The following FNDC1 variants were observed in gnomAD, a reference collection of about 807,000 sequenced individuals.
FNDC1 encodes the protein fibronectin type III domain containing 1, also known as fibronectin type III domain-containing protein 1.
In FNDC1, 96 loss-of-function variants were observed where a neutral mutation model predicts 168.0. That is an observed-to-expected ratio of 0.57 (90% CI 0.48 to 0.68). The LOEUF (loss-of-function observed/expected upper bound fraction) is 0.68. Among genes scored for constraint, FNDC1 ranks in the 30% least tolerant of loss-of-function variants. The pLI is 0.00. For missense variants in FNDC1, 2,587 were observed against 2,482.1 expected, an observed-to-expected ratio of 1.04 and a Z score of -0.90; for synonymous variants, 1,099 against 1,025.9, an observed-to-expected ratio of 1.07 and a Z score of -1.36.
At chr6:159,203,559 T>G (rs531694584) in intron 4 of FNDC1, among the ~76,000 whole-genome samples, 20 of 152,328 alleles carry the variant, frequency 1.3e-4, no homozygotes, top group African/African-American at 4.8e-4. Flanking sequence ...GCTCCTCTTG[T>G]GTTGCTCATC....
chr6:159,187,181 C>CTT (rs1445020521), intron 1 of FNDC1, among the ~76,000 whole-genome samples: 3 of 152,140 alleles, frequency 2.0e-5, no homozygotes, highest in African/African-American at 7.2e-5. Flanking sequence ...TAACAGGGCG[C>CTT]TTTGGGGCCT....
rs62432337 is a variant in FNDC1, at chr6:159,239,900, G to A, written c.4564G>A (p.Asp1522Asn). Reference protein sequence around the residue: ...CPPGTLERHDDDGNLIMSSNG... With the variant: ...CPPGTLERHDNDGNLIMSSNG... ...CCCTGGGACCTTGGAACGGCACGAC[G>A]ATGATGGCAACCTGATAATGAGCTC... The change falls in exon 14 of 23, where the codon GAT becomes AAT. Residue 1522 changes from aspartate (D) to asparagine (N), a missense_variant. Physicochemically the swap from Asp to Asn is conservative, Grantham distance 23 (BLOSUM62 1). Transcript: ENST00000297267. 1.8e-5 allele frequency: 28 copies of A among 1,528,472 alleles called. No homozygotes were observed. Among genetic ancestry groups the A allele is most frequent in the Middle Eastern group, 3.4e-4 (2 of 5,854 alleles). The allele number at this position is 1,528,472 out of a possible 1,614,324, so 94.7% of individuals were successfully genotyped here. A position where few individuals can be genotyped will look rare whatever the true frequency, so the allele number is the denominator to read the frequency against.
intron 12 of FNDC1, among the ~76,000 whole-genome samples, chr6:159,236,702 A>G (rs760518593): frequency 6.6e-6 from 1 of 152,240 alleles, no homozygotes; most frequent in Non-Finnish European, 1.5e-5. Flanking sequence ...TTGATTAAAC[A>G]TTACACATAT....
rs267600879 is a variant in FNDC1, at chr6:159,232,088, C to T, written c.1576C>T (p.Arg526Cys). The change falls in exon 11 of 23, where the codon CGC (arginine) becomes TGC (cysteine). Residue 526 changes from arginine to cysteine, a missense_variant. Arg to Cys is a radical substitution (Grantham distance 180). Transcript: ENST00000297267. The surrounding 1 kb of genome is among the most constrained non-coding windows in gnomAD (Gnocchi z 4.9). ...NGGAPRKPQL[R>C]AKKAEELDLQ... Reference sequence around the variant, plus strand: ...TGGGGCGCCCCGAAAACCCCAGCTTCGCGCCAAGAAGGCAGAGGAGCTGGA... The same window carrying T: ...TGGGGCGCCCCGAAAACCCCAGCTTTGCGCCAAGAAGGCAGAGGAGCTGGA... 7.4e-6 allele frequency: 12 copies of T among 1,613,648 alleles called. No homozygotes were observed. Among genetic ancestry groups the T allele is most frequent in the Admixed American group, 1.7e-5 (1 of 59,968 alleles).
chr6:159,236,736 T>C (rs975537954), intron 12 of FNDC1, among the ~76,000 whole-genome samples: 1 of 152,242 alleles, frequency 6.6e-6, no homozygotes, highest in Non-Finnish European at 1.5e-5. Context: ...TCTCAAATCC[T>C]TTCTCAAAGG....
chr6:159,239,405 A>T, intron 13 of FNDC1, 112 bp from the exon 14 acceptor site: 1 of 929,612 alleles, frequency 1.1e-6, no homozygotes, highest in Non-Finnish European at 1.6e-6. Context: ...TTTGCCTTTT[A>T]CTGATTAAAA....
chr6:159,197,727 A>AC, intron 2 of FNDC1, 102 bp downstream of exon 2: 1 of 1,088,428 alleles, frequency 9.2e-7, no homozygotes, highest in Non-Finnish European at 1.3e-6. Context: ...GGCTGGGCTC[A>AC]AGGTCCCTTA....
At chr6:159,197,296 ACTATC>A (rs1782265108) in intron 1 of FNDC1, 130 bp from the exon 2 acceptor site, 1 of 807,138 alleles carries the variant, frequency 1.2e-6, no homozygotes, top group African/African-American at 1.7e-5. Flanking sequence ...CAAATACATG[ACTATC>A]CTTAAAGTCT....
intron 4 of FNDC1, among the ~76,000 whole-genome samples, chr6:159,202,362 T>G (rs1782398039): frequency 6.6e-6 from 1 of 152,252 alleles, no homozygotes; most frequent in Admixed American, 6.5e-5. Context: ...TCACCATGTA[T>G]CTATACCTTT....
chr6:159,218,936 A>G (rs934050480), intron 5 of FNDC1, among the ~76,000 whole-genome samples: 11 of 152,108 alleles, frequency 7.2e-5, no homozygotes, highest in African/African-American at 2.7e-4. Context: ...TGCCACGTCC[A>G]TTACACACTT....
rs763709223 is a variant in FNDC1, at chr6:159,232,740, G to T, written c.2228G>T (p.Gly743Val). 1 of 1,613,916 alleles carries T rather than the reference G, an allele frequency of 6.2e-7. No individual in the cohort carries two copies. Among genetic ancestry groups the T allele is most frequent in the South Asian group, 1.1e-5 (1 of 91,080 alleles). The change falls in exon 11 of 23, where the codon GGC becomes GTC. Residue 743 changes from glycine to valine, a missense_variant. Gly to Val is a moderately radical substitution (Grantham distance 109). Transcript: ENST00000297267. The surrounding 1 kb of genome is among the most constrained non-coding windows in gnomAD (Gnocchi z 4.9). ...QPHLSSPLSKGGKDGEDAPAT... is the reference protein window; with the variant it reads ...QPHLSSPLSKVGKDGEDAPAT... Reference sequence around the variant, plus strand: ...CACCTGAGCTCTCCACTTTCCAAGGGCGGGAAGGATGGTGAGGACGCCCCA... The same window carrying T: ...CACCTGAGCTCTCCACTTTCCAAGGTCGGGAAGGATGGTGAGGACGCCCCA...
rs143059588 is a variant in FNDC1 at position 159,226,349 on chromosome 6, A to G, written c.1073-124A>G. 196 of 668,238 alleles carry G rather than the reference A, an allele frequency of 2.9e-4. 2 individuals carry two copies. In the African/African-American group the frequency reaches 3.3e-3, roughly 11 times the overall value. 41.4% of individuals were successfully genotyped at this position (668,238 alleles called of 1,614,324 possible). ...ACCAGTGTGGAATTTTCTGTCAGGT[A>G]TAATAAAAATTAACACAGTAGGTCT... is the stretch of plus-strand genomic sequence containing the variant. On this transcript the variant is annotated intron_variant, in intron 8 of 22. Transcript: ENST00000297267.
At chr6:159,263,178 T>A (rs985556165) in intron 19 of FNDC1, among the ~76,000 whole-genome samples, 2 of 152,178 alleles carry the variant, frequency 1.3e-5, no homozygotes, top group Non-Finnish European at 2.9e-5. Flanking sequence ...GAACTTCAGT[T>A]CAGAGCAGGG....
chr6:159,269,341 CTATCCATTTGTTTATCTAGG>C (rs1777676944), intron 22 of FNDC1, among the ~76,000 whole-genome samples: 1 of 105,178 alleles, frequency 9.5e-6, no homozygotes, highest in Non-Finnish European at 2.4e-5. Context: ...ATCTATCTAT[CTATCCATTTGTTTATCTAGG>C]TATCCATCCA....
At chr6:159,268,585 G>A (rs553058648) in intron 22 of FNDC1, among the ~76,000 whole-genome samples, 10 of 151,334 alleles carry the variant, frequency 6.6e-5, no homozygotes, top group South Asian at 2.1e-4. Flanking sequence ...CCATCTATCC[G>A]TCTCTCTCTC....
chr6:159,247,585 C>T (rs1777164535), intron 15 of FNDC1, among the ~76,000 whole-genome samples: 2 of 151,826 alleles, frequency 1.3e-5, no homozygotes, highest in South Asian at 2.1e-4. Context: ...CCTATCTCTA[C>T]AAAAAATTAA....
chr6:159,252,578 A>G (rs1318083535), intron 17 of FNDC1, among the ~76,000 whole-genome samples: 8 of 152,210 alleles, frequency 5.3e-5, no homozygotes, highest in Non-Finnish European at 1.2e-4. Context: ...AAGGGGTTCG[A>G]GTCTTTAGTG....
At chr6:159,173,427 C>CT (rs958420543) in intron 1 of FNDC1, among the ~76,000 whole-genome samples, 1 of 152,162 alleles carries the variant, frequency 6.6e-6, no homozygotes, top group African/African-American at 2.4e-5. Context: ...ACCCTCTCTC[C>CT]TTTTTTGTGC....
At position 159,188,678 on chromosome 6, in the gene FNDC1, G is replaced by A. The variant is rs189050647; in HGVS notation, c.110-8753G>A. ...CAGGCGTGAGCCACTGCGCCCGGCC[G>A]CCTCAATTTCTTTGAGTGCGTCCAA... is the stretch of plus-strand genomic sequence containing the variant. On this transcript the variant is annotated intron_variant, in intron 1 of 22. Transcript: ENST00000297267. Among the ~76,000 whole-genome samples the A allele has an allele frequency of 3.0e-4, 45 of 151,560 alleles. No homozygotes were observed. In the East Asian group the frequency reaches 6.6e-3, roughly 22 times the overall value.
Sources: gnomAD v4.1 joint callset for allele counts (sites outside exome capture counted in the v4.1 genomes callset) on GRCh38, gnomAD v4.1.1 for gene constraint, Gnocchi (gnomAD v3.1) non-coding constraint, MANE v1.5 for transcripts, NCBI Gene and HGNC (gene_info 2026-07-23, HGNC 2026-07-21) for gene names.